The following OSBP2 variants were observed in gnomAD, a reference collection of about 807,000 sequenced individuals.
OSBP2 encodes the protein oxysterol binding protein 2, also known as oxysterol-binding protein 2.
A neutral mutation model predicts 96.0 loss-of-function variants in OSBP2; 66 were observed. The observed-to-expected ratio is 0.69, with a 90% CI of 0.56 to 0.84. OSBP2 has a LOEUF of 0.84. Among genes scored for constraint, OSBP2 ranks in the 40% least tolerant of loss-of-function variants. The probability of loss-of-function intolerance (pLI) is 0.00; values close to 1 mark genes in which losing one functional copy is unlikely to be tolerated. For synonymous variants in OSBP2, 525 were observed against 520.9 expected (o/e 1.01, Z -0.11); for missense variants, 1,038 against 1,222.7 (o/e 0.85, Z 2.25).
intron 2 of OSBP2, among the ~76,000 whole-genome samples, chr22:30,762,277 C>T (rs889415068): frequency 6.7e-6 from 1 of 149,542 alleles, no homozygotes; most frequent in Non-Finnish European, 1.5e-5. Flanking sequence ...GGGCCGGGCG[C>T]GGTGGCTCAC....
chr22:30,771,212 C>T (rs2090343589), intron 2 of OSBP2, among the ~76,000 whole-genome samples: 1 of 152,212 alleles, frequency 6.6e-6, no homozygotes, highest in South Asian at 2.1e-4. Context: ...CTGAGGCTGC[C>T]CCCTTACCTG....
intron 2 of OSBP2, among the ~76,000 whole-genome samples, chr22:30,750,990 C>T (rs2090067295): frequency 6.6e-6 from 1 of 152,224 alleles, no homozygotes; most frequent in South Asian, 2.1e-4. Context: ...ATCCACTCAT[C>T]TCAGTCTCCC....
intron 2 of OSBP2, among the ~76,000 whole-genome samples, chr22:30,759,156 TG>T (rs2090177185): frequency 6.6e-6 from 1 of 152,056 alleles, no homozygotes; most frequent in Non-Finnish European, 1.5e-5. Flanking sequence ...GAGACCAGCC[TG>T]GCCAACACGG....
chr22:30,807,463 AGATTCTGCT>A (rs1376361430), intron 2 of OSBP2, among the ~76,000 whole-genome samples: 1 of 152,158 alleles, frequency 6.6e-6, no homozygotes, highest in Non-Finnish European at 1.5e-5. Flanking sequence ...TCAGGAACAC[AGATTCTGCT>A]CTCGGCACTG....
At chr22:30,722,710 C>A (rs2089571763) in intron 1 of OSBP2, among the ~76,000 whole-genome samples, 1 of 137,746 alleles carries the variant, frequency 7.3e-6, no homozygotes, top group Non-Finnish European at 1.6e-5. Flanking sequence ...CTTTCTTTCT[C>A]TTTTTTCTTT....
At chr22:30,834,056 A>ATT (rs577533623) in intron 2 of OSBP2, among the ~76,000 whole-genome samples, 10 of 146,860 alleles carry the variant, frequency 6.8e-5, no homozygotes, top group African/African-American at 2.2e-4. Flanking sequence ...CCATCAGTCC[A>ATT]TTTTTTTTTT....
intron 8 of OSBP2, 117 bp from the exon 9 acceptor site, chr22:30,893,005 C>A: frequency 1.5e-6 from 2 of 1,362,136 alleles, no homozygotes; most frequent in South Asian, 1.3e-5. Context: ...CAGGACTGCT[C>A]CTATGGCCAC....
At chr22:30,706,670 G>A (rs2089258596) in intron 1 of OSBP2, among the ~76,000 whole-genome samples, 1 of 152,112 alleles carries the variant, frequency 6.6e-6, no homozygotes, top group Non-Finnish European at 1.5e-5. Flanking sequence ...GCCAGGTCCT[G>A]CCTCTCTTTT....
chr22:30,896,106 G>A (rs1255952061), intron 12 of OSBP2, among the ~76,000 whole-genome samples: 21 of 151,480 alleles, frequency 1.4e-4, no homozygotes, highest in Non-Finnish European at 2.9e-5. Flanking sequence ...TGCAACCTCT[G>A]CCTCCCAGGT....
intron 1 of OSBP2, among the ~76,000 whole-genome samples, chr22:30,700,828 G>A (rs2089146724): frequency 6.6e-6 from 1 of 151,988 alleles, no homozygotes; most frequent in Non-Finnish European, 1.5e-5. Flanking sequence ...GCTCATGCCT[G>A]TAATCCGAGA....
chr22:30,719,166 T>C (rs2089507322), intron 1 of OSBP2, among the ~76,000 whole-genome samples: 1 of 151,968 alleles, frequency 6.6e-6, no homozygotes, highest in Admixed American at 6.6e-5. Context: ...CTCTCAACAT[T>C]ATCCCTGGCT....
intron 2 of OSBP2, among the ~76,000 whole-genome samples, chr22:30,831,109 C>T (rs980115234): frequency 2.0e-5 from 3 of 152,178 alleles, no homozygotes; most frequent in Admixed American, 6.5e-5. Context: ...AGAATGCAAT[C>T]GCTGAGTCAA....
At chr22:30,730,896 C>A (rs547512851) in intron 1 of OSBP2, among the ~76,000 whole-genome samples, 2 of 147,648 alleles carry the variant, frequency 1.4e-5, no homozygotes, top group African/African-American at 5.0e-5. Flanking sequence ...TAATGCTGGC[C>A]GGGCGCGGTG....
chr22:30,827,198 G>A (rs1488649720), intron 2 of OSBP2, among the ~76,000 whole-genome samples: 1 of 152,200 alleles, frequency 6.6e-6, no homozygotes, highest in African/African-American at 2.4e-5. Flanking sequence ...AGAAAGGACA[G>A]ATGGGCAAGA....
At chr22:30,767,637 C>A (rs2090292501) in intron 2 of OSBP2, among the ~76,000 whole-genome samples, 2 of 151,712 alleles carry the variant, frequency 1.3e-5, no homozygotes, top group Non-Finnish European at 2.9e-5. Context: ...AGGAGCCAGT[C>A]CTCTCCCTGT....
At position 30,783,302 on chromosome 22, in the gene OSBP2, C is replaced by CTTTTTTTTTT. The variant is rs35470453; in HGVS notation, c.853+41954_853+41963dup. On this transcript the variant is annotated intron_variant, in intron 2 of 13. Transcript: ENST00000332585. The stretch of plus-strand genomic sequence containing the variant: ...GAGGCAGGGAGTCTCATTCAGAGAG[C>CTTTTTTTTTT]TTTTTTTTTTTTTTTTTTTTTTTTT... Among the ~76,000 whole-genome samples the CTTTTTTTTTT allele has an allele frequency of 2.3e-4, 8 of 34,710 alleles. 1 individual carries two copies. The highest frequency in any genetic ancestry group is 9.8e-4 in the African/African-American group (7 of 7,138). 22.8% of individuals were successfully genotyped at this position (34,710 alleles called of 152,430 possible).
chr22:30,898,866 TAA>T (rs2040124786), intron 12 of OSBP2, among the ~76,000 whole-genome samples: 3 of 54,170 alleles, frequency 5.5e-5, no homozygotes, highest in African/African-American at 2.4e-4. Context: ...TTTATATTAA[TAA>T]TAATAATAAT....
intron 1 of OSBP2, among the ~76,000 whole-genome samples, chr22:30,714,045 C>A (rs2089403913): frequency 6.6e-6 from 1 of 152,068 alleles, no homozygotes. Context: ...ATTAACCAAC[C>A]TCTCCTTCTC....
intron 2 of OSBP2, among the ~76,000 whole-genome samples, chr22:30,856,791 A>T (rs961829066): frequency 6.6e-6 from 1 of 152,156 alleles, no homozygotes; most frequent in Non-Finnish European, 1.5e-5. Flanking sequence ...AAAAAAAAAA[A>T]AATTATGAAT....
Sources: allele counts gnomAD v4.1 joint callset (sites outside exome capture counted in the v4.1 genomes callset), GRCh38; gene constraint gnomAD v4.1.1; transcripts MANE v1.5; gene names NCBI Gene and HGNC (gene_info 2026-07-23, HGNC 2026-07-21).